BCAS3: variants seen among roughly 807,000 people sequenced by gnomAD.
BCAS3 encodes BCAS3 microtubule associated cell migration factor, also known as BCAS4/BCAS3 fusion.
A neutral mutation model predicts 116.1 loss-of-function variants in BCAS3; 53 were observed. The observed-to-expected ratio is 0.46, with a 90% CI of 0.37 to 0.57. BCAS3 has a LOEUF of 0.57. BCAS3 is among the 20% of genes least tolerant of loss of function. The pLI is 0.00. For missense variants in BCAS3, 917 were observed against 1,165.4 expected, an observed-to-expected ratio of 0.79 and a Z score of 3.10; for synonymous variants, 391 against 408.2, an observed-to-expected ratio of 0.96 and a Z score of 0.51.
intron 22 of BCAS3, among the ~76,000 whole-genome samples, chr17:61,138,160 G>C (rs1327945528): frequency 2.0e-5 from 3 of 152,210 alleles, no homozygotes; most frequent in African/African-American, 7.2e-5. Flanking sequence ...ACATGTGGCT[G>C]CTGAGTGCTG....
At chr17:61,183,939 C>T (rs1016166237) in intron 22 of BCAS3, among the ~76,000 whole-genome samples, 1 of 152,158 alleles carries the variant, frequency 6.6e-6, no homozygotes, top group African/African-American at 2.4e-5. Flanking sequence ...AACTTTCAGG[C>T]AAGGTATGGT....
chr17:61,014,938 A>T (rs1230626655), intron 15 of BCAS3, among the ~76,000 whole-genome samples: 1 of 152,228 alleles, frequency 6.6e-6, no homozygotes, highest in Non-Finnish European at 1.5e-5. Context: ...AAAGAAGTAC[A>T]AAACTTGTAC....
At chr17:60,920,195 G>T (rs1350726807) in intron 12 of BCAS3, among the ~76,000 whole-genome samples, 2 of 152,154 alleles carry the variant, frequency 1.3e-5, no homozygotes, top group East Asian at 3.8e-4. Context: ...CTTTGGTAAA[G>T]AATTTTTGGC....
At position 61,140,927 on chromosome 17, in the gene BCAS3, C is replaced by T. The variant is rs1001391033; in HGVS notation, c.2425+56363C>T. On this transcript the variant is annotated intron_variant, in intron 22 of 23. Transcript: ENST00000407086. This position sits in a 1 kb window ranked among gnomAD's most constrained non-coding sequence, Gnocchi z 4.2. ...AGGAAAAAGCATGCCTCCCTGTGCT[C>T]TTTGTCCATTTGAGTGTTTTTTTTT... Among the ~76,000 whole-genome samples the T allele has an allele frequency of 4.0e-5, 6 of 151,676 alleles. No individual in the cohort carries two copies. The highest frequency in any genetic ancestry group is 4.8e-5 in the African/African-American group (2 of 41,280).
At chr17:61,121,823 C>T (rs141585217) in intron 22 of BCAS3, among the ~76,000 whole-genome samples, 2,568 of 152,234 alleles carry the variant, frequency 0.017, 34 homozygotes, top group Non-Finnish European at 0.026. Flanking sequence ...TTCCGCCTCC[C>T]GGGTTCAAGC....
chr17:61,026,877 T>C lies in BCAS3; in HGVS notation c.1638-7789T>C, dbSNP rs1296308732. On this transcript the variant is annotated intron_variant, in intron 16 of 23. Coordinates refer to ENST00000407086, the MANE Select transcript of BCAS3 (RefSeq NM_017679.5). The surrounding 1 kb of genome is among the most constrained non-coding windows in gnomAD (Gnocchi z 5.0). ...CCTTTTCCATGAAGGCCTTATCTCT[T>C]TGGAGCGGGGTGTTTTTCCATAAAA... 2 of 1,600,498 alleles carry C rather than the reference T, an allele frequency of 1.2e-6. No homozygotes were observed.
intron 22 of BCAS3, among the ~76,000 whole-genome samples, chr17:61,329,009 C>T (rs2055981093): frequency 6.6e-6 from 1 of 151,438 alleles, no homozygotes; most frequent in Non-Finnish European, 1.5e-5. Context: ...ATTCTCCTGC[C>T]TCAGCCTCCC....
At chr17:61,183,282 G>A (rs12940510) in intron 22 of BCAS3, among the ~76,000 whole-genome samples, 98,590 of 151,950 alleles carry the variant, frequency 0.65, 35,174 homozygotes, top group South Asian at 0.86. Context: ...TCGATGTGAA[G>A]AGCTCATAAG....
At chr17:61,067,162 T>C (rs1012684545) in intron 19 of BCAS3, among the ~76,000 whole-genome samples, 3 of 150,130 alleles carry the variant, frequency 2.0e-5, no homozygotes, top group African/African-American at 7.3e-5. Flanking sequence ...AGTTATATTA[T>C]TAATTGACTT....
chr17:60,922,938 T>C (rs1303529590), intron 12 of BCAS3, among the ~76,000 whole-genome samples: 1 of 152,088 alleles, frequency 6.6e-6, no homozygotes. Context: ...ATAACTATAG[T>C]GTTATATGGA....
intron 13 of BCAS3, among the ~76,000 whole-genome samples, chr17:60,946,486 T>C (rs1464950275): frequency 6.6e-6 from 1 of 152,194 alleles, no homozygotes; most frequent in Non-Finnish European, 1.5e-5. Flanking sequence ...TCAATAAATA[T>C]CATGGTGAAT....
intron 7 of BCAS3, chr17:60,851,310 GC>G: frequency 3.2e-6 from 1 of 317,424 alleles, no homozygotes; most frequent in South Asian, 2.9e-5. Flanking sequence ...CAGCCAGGCA[GC>G]CCAGCTTCGC....
intron 19 of BCAS3, among the ~76,000 whole-genome samples, chr17:61,062,762 C>T (rs1189548915): frequency 1.3e-5 from 2 of 152,188 alleles, no homozygotes; most frequent in Non-Finnish European, 2.9e-5. Flanking sequence ...ACTGAAGGTC[C>T]TGGGAATTTA....
Position 61,188,992 on chromosome 17 carries a change from A to G in BCAS3, c.2425+104428A>G, listed in dbSNP as rs373740879. 2.2e-4 allele frequency among the ~76,000 whole-genome samples: 34 copies of G among 152,250 alleles called. 1 individual carries two copies. Among genetic ancestry groups the G allele is most frequent in the Admixed American group, 1.2e-3 (19 of 15,282 alleles). On this transcript the variant is annotated intron_variant, in intron 22 of 23. Coordinates refer to ENST00000407086, the MANE Select transcript of BCAS3 (RefSeq NM_017679.5). The surrounding 1 kb of genome is among the most constrained non-coding windows in gnomAD (Gnocchi z 4.0). Reference sequence around the variant, plus strand: ...ATGGTGCATGCCTATAGTCCCAGCTACTTGGGAGGTTAAAGCAGGAGAATT... The same window carrying G: ...ATGGTGCATGCCTATAGTCCCAGCTGCTTGGGAGGTTAAAGCAGGAGAATT...
intron 9 of BCAS3, among the ~76,000 whole-genome samples, chr17:60,877,778 A>G (rs2055750142): frequency 1.3e-5 from 2 of 152,200 alleles, no homozygotes; most frequent in Non-Finnish European, 2.9e-5. Flanking sequence ...TTCCTGACCC[A>G]CAAAGATTAT....
At chr17:60,776,278 A>G (rs2045274255) in intron 6 of BCAS3, among the ~76,000 whole-genome samples, 1 of 152,208 alleles carries the variant, frequency 6.6e-6, no homozygotes, top group Non-Finnish European at 1.5e-5. Flanking sequence ...GAATGACTCC[A>G]TATATAGAGC....
chr17:60,921,108 A>G lies in BCAS3; in HGVS notation c.994-3299A>G, dbSNP rs562926474. ...ATAAATGGCTCTACCAAAAAGAGAC[A>G]TGTATATTAATCACCATGCTATTAA... On this transcript the variant is annotated intron_variant, in intron 12 of 23. Coordinates refer to ENST00000407086, the MANE Select transcript of BCAS3 (RefSeq NM_017679.5). Among the ~76,000 whole-genome samples, 7 of 152,302 alleles carry G rather than the reference A, an allele frequency of 4.6e-5. 1 individual carries two copies. The East Asian group carries it at 1.4e-3, about 29-fold the overall frequency.
chr17:60,866,943 A>C (rs2054646657), intron 7 of BCAS3, among the ~76,000 whole-genome samples: 1 of 151,972 alleles, frequency 6.6e-6, no homozygotes, highest in African/African-American at 2.4e-5. Context: ...TCTAGAACAC[A>C]GTTTTTTCTT....
intron 6 of BCAS3, among the ~76,000 whole-genome samples, chr17:60,750,734 C>G (rs1420830624): frequency 6.6e-6 from 1 of 152,174 alleles, no homozygotes; most frequent in Non-Finnish European, 1.5e-5. Context: ...CAACAACATT[C>G]CCTTGTGATA....
Sources: gnomAD v4.1 joint callset for allele counts (sites outside exome capture counted in the v4.1 genomes callset) on GRCh38, gnomAD v4.1.1 for gene constraint, Gnocchi (gnomAD v3.1) non-coding constraint, MANE v1.5 for transcripts, NCBI Gene and HGNC (gene_info 2026-07-23, HGNC 2026-07-21) for gene names.